The following CACNA2D3 variants were observed in gnomAD, a reference collection of about 807,000 sequenced individuals.
CACNA2D3 encodes voltage-dependent calcium channel subunit alpha-2/delta-3.
In CACNA2D3, 60 loss-of-function variants were observed where a neutral mutation model predicts 160.6. The observed-to-expected ratio is 0.37, with a 90% CI of 0.30 to 0.46. The LOEUF is 0.46. Among genes scored for constraint, CACNA2D3 ranks in the 20% least tolerant of loss-of-function variants. CACNA2D3 has a pLI of 1.00. For synonymous variants in CACNA2D3, 558 were observed against 492.9 expected, an observed-to-expected ratio of 1.13 and a Z score of -1.75; for missense variants, 1,205 against 1,365.0, an observed-to-expected ratio of 0.88 and a Z score of 1.85.
intron 12 of CACNA2D3, among the ~76,000 whole-genome samples, chr3:54,754,945 G>A (rs1255703340): frequency 6.6e-6 from 1 of 152,152 alleles, no homozygotes; most frequent in African/African-American, 2.4e-5. Flanking sequence ...GTCTCACAAG[G>A]GAGAAGGAAG....
intron 35 of CACNA2D3, among the ~76,000 whole-genome samples, chr3:55,043,611 G>C (rs1704008833): frequency 6.6e-6 from 1 of 152,044 alleles, no homozygotes; most frequent in African/African-American, 2.4e-5. Flanking sequence ...TGTCTTAATA[G>C]TATCTTGCAC....
chr3:54,434,644 C>G (rs1027089476), intron 4 of CACNA2D3, among the ~76,000 whole-genome samples: 1 of 152,200 alleles, frequency 6.6e-6, no homozygotes, highest in Non-Finnish European at 1.5e-5. Context: ...ACAGCATGCT[C>G]AGCAGTAGCA....
chr3:54,291,161 TTA>T (rs1703193281), intron 2 of CACNA2D3, among the ~76,000 whole-genome samples: 1 of 152,202 alleles, frequency 6.6e-6, no homozygotes, highest in African/African-American at 2.4e-5. Flanking sequence ...AGCCTGTGGG[TTA>T]TGAGTGATCC....
Position 54,720,910 on chromosome 3 carries a change from A to G in CACNA2D3, c.1168-31689A>G, listed in dbSNP as rs1262607247. Among the ~76,000 whole-genome samples the G allele has an allele frequency of 3.3e-5, 5 of 152,298 alleles. No individual in the cohort carries two copies. In the East Asian group the frequency reaches 9.6e-4, roughly 29 times the overall value. On this transcript the variant is annotated intron_variant, in intron 11 of 37. Coordinates refer to ENST00000474759, the MANE Select transcript of CACNA2D3 (RefSeq NM_018398.3). ...AAGGTAAAAAGAAAGGACAAGATAT[A>G]CTAAAAAATAGTGGCTATTCAATGT...
At chr3:55,034,314 A>G (rs1356412561) in intron 35 of CACNA2D3, among the ~76,000 whole-genome samples, 2 of 151,796 alleles carry the variant, frequency 1.3e-5, no homozygotes, top group Admixed American at 6.6e-5. Context: ...AACATCTGTC[A>G]TATGTTTTAA....
At chr3:54,440,703 T>C (rs900381909) in intron 4 of CACNA2D3, among the ~76,000 whole-genome samples, 3 of 152,294 alleles carry the variant, frequency 2.0e-5, no homozygotes, top group African/African-American at 7.2e-5. Context: ...GTTCTCATTG[T>C]TCAATTCCCA....
chr3:54,675,815 A>G (rs1700234408), intron 11 of CACNA2D3, among the ~76,000 whole-genome samples: 1 of 152,188 alleles, frequency 6.6e-6, no homozygotes, highest in Admixed American at 6.5e-5. Context: ...TGAGAGACCT[A>G]CAACAGGCAG....
chr3:54,427,145 G>A (rs1269445792), intron 4 of CACNA2D3, among the ~76,000 whole-genome samples: 1 of 152,116 alleles, frequency 6.6e-6, no homozygotes, highest in African/African-American at 2.4e-5. Context: ...TTACTTGGGC[G>A]TGAACTGGGA....
At chr3:54,520,284 C>T (rs1701625265) in intron 5 of CACNA2D3, among the ~76,000 whole-genome samples, 1 of 152,238 alleles carries the variant, frequency 6.6e-6, no homozygotes, top group Admixed American at 6.5e-5. Flanking sequence ...CATCTCCCTT[C>T]CTGAGAGCCA....
intron 13 of CACNA2D3, 91 bp downstream of exon 13, chr3:54,764,442 A>G: frequency 6.8e-7 from 1 of 1,470,554 alleles, no homozygotes; most frequent in Non-Finnish European, 9.3e-7. Context: ...TATCACTCTT[A>G]TTTTTTGTGT....
chr3:54,310,167 G>A (rs1007336635), intron 2 of CACNA2D3, among the ~76,000 whole-genome samples: 4 of 152,018 alleles, frequency 2.6e-5, no homozygotes, highest in African/African-American at 9.7e-5. Flanking sequence ...ATACAATAGG[G>A]CACTTTCCAT....
intron 14 of CACNA2D3, among the ~76,000 whole-genome samples, chr3:54,833,865 C>T (rs749608870): frequency 1.4e-4 from 21 of 152,158 alleles, no homozygotes; most frequent in African/African-American, 2.2e-4. Context: ...GGAAAGCCTA[C>T]GGGTTAGGGT....
At chr3:54,390,303 C>A (rs1172990614) in intron 4 of CACNA2D3, among the ~76,000 whole-genome samples, 1 of 152,122 alleles carries the variant, frequency 6.6e-6, no homozygotes, top group East Asian at 1.9e-4. Context: ...CAGTAAAATT[C>A]TGGTGTAGCA....
chr3:54,187,943 G>A (rs1700905549), intron 2 of CACNA2D3, among the ~76,000 whole-genome samples: 1 of 152,216 alleles, frequency 6.6e-6, no homozygotes, highest in East Asian at 1.9e-4. Context: ...CGGGGGTTGG[G>A]TGTTTAAGGA....
At chr3:54,321,318 TC>T (rs35876978) in intron 3 of CACNA2D3, among the ~76,000 whole-genome samples, 104 of 75,430 alleles carry the variant, frequency 1.4e-3, no homozygotes, top group Non-Finnish European at 2.5e-3. Flanking sequence ...AGACTCCGGC[TC>T]AAAAAAAAAA....
chr3:54,498,370 T>C (rs540335143), intron 4 of CACNA2D3, among the ~76,000 whole-genome samples: 5 of 152,142 alleles, frequency 3.3e-5, no homozygotes, highest in Admixed American at 2.6e-4. Context: ...CTTATTGGCA[T>C]AAAGTTGTTT....
At chr3:54,384,902 T>C (rs1247381521) in intron 3 of CACNA2D3, among the ~76,000 whole-genome samples, 1 of 151,990 alleles carries the variant, frequency 6.6e-6, no homozygotes, top group Admixed American at 6.6e-5. Flanking sequence ...GTGTTTTTTG[T>C]TGAGATGGGG....
chr3:54,912,806 C>T (rs529489656), intron 27 of CACNA2D3, among the ~76,000 whole-genome samples: 2 of 152,192 alleles, frequency 1.3e-5, no homozygotes, highest in African/African-American at 2.4e-5. Flanking sequence ...ACTCCTTTAG[C>T]CTTAATACTT....
chr3:54,688,890 G>C (rs974842785), intron 11 of CACNA2D3, among the ~76,000 whole-genome samples: 1 of 144,744 alleles, frequency 6.9e-6, no homozygotes, highest in African/African-American at 2.5e-5. Context: ...GCTGAGGCAG[G>C]AGAATCGCTT....
Sources: allele counts gnomAD v4.1 joint callset (sites outside exome capture counted in the v4.1 genomes callset), GRCh38; gene constraint gnomAD v4.1.1; transcripts MANE v1.5; gene names NCBI Gene and HGNC (gene_info 2026-07-23, HGNC 2026-07-21).